The following CD101 variants were observed in gnomAD, a reference collection of about 807,000 sequenced individuals.
The protein encoded by CD101 is immunoglobulin superfamily member 2.
In CD101, 76 loss-of-function variants were observed where a neutral mutation model predicts 98.2. The ratio of observed to expected loss-of-function variants is 0.77; its 90% CI spans 0.64 to 0.94. The LOEUF is 0.94. Among genes scored for constraint, CD101 ranks in the 40% least tolerant of loss-of-function variants. The pLI is 0.00. For synonymous variants in CD101, 471 were observed against 472.7 expected (o/e 1.00, Z 0.05); for missense variants, 1,145 against 1,218.8 (o/e 0.94, Z 0.90).
Position 117,018,201 on chromosome 1 carries a change from T to C in CD101, c.1658T>C (p.Met553Thr). 1.2e-6 allele frequency: 2 copies of C among 1,611,204 alleles called. No individual in the cohort carries two copies. The highest frequency in any genetic ancestry group is 1.7e-6 in the Non-Finnish European group (2 of 1,178,054). Residue 553 changes from methionine (M) to threonine (T), a missense_variant, in exon 6 of 10, where the codon ATG (methionine) becomes ACG (threonine). Transcript: ENST00000682167. This position sits in a 1 kb window ranked among gnomAD's most constrained non-coding sequence, Gnocchi z 4.3. ...CTGATGAGCCGTCAGCCGCAAGTGATGTTAACCAACACCTTTGACCTGTCC... is the reference window on the plus strand; with the variant it reads ...CTGATGAGCCGTCAGCCGCAAGTGACGTTAACCAACACCTTTGACCTGTCC... ...VSLMSRQPQV[M>T]LTNTFDLSCV...
chr1:117,007,877 A>G (rs1034037933), intron 1 of CD101, among the ~76,000 whole-genome samples: 4 of 152,208 alleles, frequency 2.6e-5, no homozygotes, highest in African/African-American at 7.2e-5. Context: ...TTATGACTGT[A>G]CCACAGTTTA....
rs1652936478 is a variant in CD101 at position 117,012,244 on chromosome 1, A to G, written c.841+278A>G. 6.6e-6 allele frequency among the ~76,000 whole-genome samples: 1 copy of G among 152,192 alleles called. No individual in the cohort carries two copies. Among genetic ancestry groups the G allele is most frequent in the African/African-American group, 2.4e-5 (1 of 41,440 alleles). ...AAGTAGTTTTGTTACCATTTTTGCC[A>G]GTCTCTGTTCACACATTATCTACAT... On this transcript the variant is annotated intron_variant, in intron 3 of 9. Coordinates refer to ENST00000682167, the MANE Select transcript of CD101 (RefSeq NM_001256106.3). This position sits in a 1 kb window ranked among gnomAD's most constrained non-coding sequence, Gnocchi z 4.0.
chr1:117,002,085 T>C (rs1015831785), intron 1 of CD101, among the ~76,000 whole-genome samples: 5 of 152,198 alleles, frequency 3.3e-5, no homozygotes, highest in Non-Finnish European at 7.3e-5. Context: ...CAAGATTCCA[T>C]TGGTTTTAAC....
chr1:117,018,980 C>T lies in CD101; in HGVS notation c.2017+420C>T, dbSNP rs2101133226. On this transcript the variant is annotated intron_variant, in intron 6 of 9. Transcript: ENST00000682167. This position sits in a 1 kb window ranked among gnomAD's most constrained non-coding sequence, Gnocchi z 4.3. Reference sequence around the variant, plus strand: ...GCTAGTGGTAGGGATAAGGTAAATTCCACTGGAATACATCCACCTACTTCT... The same window carrying T: ...GCTAGTGGTAGGGATAAGGTAAATTTCACTGGAATACATCCACCTACTTCT... 1.3e-5 allele frequency among the ~76,000 whole-genome samples: 2 copies of T among 152,282 alleles called. No individual in the cohort carries two copies. Among genetic ancestry groups the T allele is most frequent in the South Asian group, 4.2e-4 (2 of 4,816 alleles).
rs986753810 is a variant in CD101 at position 117,006,968 on chromosome 1, A to G, written c.44-2882A>G. ...CACAATAAAAATTTTCAAACGTGGT[A>G]CCCATCTTGCTGAAAAGTGATGGGA... On this transcript the variant is annotated intron_variant, in intron 1 of 9. Coordinates refer to ENST00000682167, the MANE Select transcript of CD101 (RefSeq NM_001256106.3). The surrounding 1 kb of genome is among the most constrained non-coding windows in gnomAD (Gnocchi z 4.4). Among the ~76,000 whole-genome samples the G allele has an allele frequency of 6.6e-6, 1 of 152,168 alleles. No individual in the cohort carries two copies. Among genetic ancestry groups the G allele is most frequent in the African/African-American group, 2.4e-5 (1 of 41,438 alleles).
chr1:117,006,246 T>A lies in CD101; in HGVS notation c.44-3604T>A, dbSNP rs772713573. Among the ~76,000 whole-genome samples, 12 of 152,214 alleles carry A rather than the reference T, an allele frequency of 7.9e-5. No homozygotes were observed. Among genetic ancestry groups the A allele is most frequent in the Admixed American group, 1.3e-4 (2 of 15,270 alleles). On this transcript the variant is annotated intron_variant, in intron 1 of 9. Coordinates refer to ENST00000682167, the MANE Select transcript of CD101 (RefSeq NM_001256106.3). This position sits in a 1 kb window ranked among gnomAD's most constrained non-coding sequence, Gnocchi z 4.4. ...CGCACTGAAAACTACAGATTTTGTC[T>A]CCACAGTAGCTCAGTTATAGTACCT...
At chr1:117,011,241 C>G (rs1198845789) in intron 2 of CD101, among the ~76,000 whole-genome samples, 1 of 152,170 alleles carries the variant, frequency 6.6e-6, no homozygotes, top group African/African-American at 2.4e-5. Flanking sequence ...TTCTCTGTCC[C>G]AGTGCTTTCT....
intron 5 of CD101, among the ~76,000 whole-genome samples, chr1:117,017,779 T>C (rs1653328587): frequency 1.3e-5 from 2 of 152,176 alleles, no homozygotes; most frequent in Non-Finnish European, 2.9e-5. Flanking sequence ...GGCCCTGGGA[T>C]TGCAGAGCCC....
At chr1:117,008,884 T>C (rs537153687) in intron 1 of CD101, among the ~76,000 whole-genome samples, 1 of 152,338 alleles carries the variant, frequency 6.6e-6, no homozygotes, top group African/African-American at 2.4e-5. Context: ...TCCAACCCTG[T>C]CTTCCCTTTT....
intron 2 of CD101, 77 bp from the exon 3 acceptor site, chr1:117,011,473 A>G: frequency 8.2e-7 from 1 of 1,223,912 alleles, no homozygotes; most frequent in African/African-American, 1.5e-5. Context: ...TACATAGGGT[A>G]GCTCAGGGCG....
chr1:117,033,002 G>A lies in CD101; in HGVS notation c.2825-858G>A, dbSNP rs1272856886. The A allele has an allele frequency of 6.6e-6, 1 of 152,272 alleles. No individual in the cohort carries two copies. The highest frequency in any genetic ancestry group is 1.5e-5 in the Non-Finnish European group (1 of 68,056). The allele number at this position is 152,272 out of a possible 1,614,324, so 9.4% of individuals were successfully genotyped here. On this transcript the variant is annotated intron_variant, in intron 8 of 9. Coordinates refer to ENST00000682167, the MANE Select transcript of CD101 (RefSeq NM_001256106.3). The surrounding 1 kb of genome is among the most constrained non-coding windows in gnomAD (Gnocchi z 4.8). ...TTAATTCAGATCAGCAAAAGTTACTGAGCACATGTGCTAGGCACTGTAGGG... is the reference window on the plus strand; with the variant it reads ...TTAATTCAGATCAGCAAAAGTTACTAAGCACATGTGCTAGGCACTGTAGGG...
chr1:117,014,569 G>T (rs1386236106), intron 4 of CD101, among the ~76,000 whole-genome samples: 1 of 152,134 alleles, frequency 6.6e-6, no homozygotes, highest in Non-Finnish European at 1.5e-5. Flanking sequence ...AAACATGTTT[G>T]AATAATCAGT....
rs1557771644 is a variant in CD101 at position 117,018,208 on chromosome 1, CA to C, written c.1667del (p.Asn556ThrfsTer9). On this transcript the variant is annotated frameshift_variant, in exon 6 of 10. Coordinates refer to ENST00000682167, the MANE Select transcript of CD101 (RefSeq NM_001256106.3). LOFTEE classifies it high-confidence loss of function. This position sits in a 1 kb window ranked among gnomAD's most constrained non-coding sequence, Gnocchi z 4.3. The stretch of plus-strand genomic sequence containing the variant: ...GCCGTCAGCCGCAAGTGATGTTAAC[CA>C]ACACCTTTGACCTGTCCTGTGTCGT... ...MSRQPQVMLT[N>X]TFDLSCVVRA... is the part of the protein sequence containing the mutation. The C allele has an allele frequency of 6.2e-7, 1 of 1,612,384 alleles. No individual in the cohort carries two copies. Among genetic ancestry groups the C allele is most frequent in the African/African-American group, 1.3e-5 (1 of 74,990 alleles).
rs1481359912 is a variant in CD101, at chr1:117,018,821, C to T, written c.2017+261C>T. 6.6e-6 allele frequency among the ~76,000 whole-genome samples: 1 copy of T among 152,146 alleles called. No homozygotes were observed. The highest frequency in any genetic ancestry group is 2.1e-4 in the South Asian group (1 of 4,822). On this transcript the variant is annotated intron_variant, in intron 6 of 9. Transcript: ENST00000682167. The surrounding 1 kb of genome is among the most constrained non-coding windows in gnomAD (Gnocchi z 4.3). The stretch of plus-strand genomic sequence containing the variant: ...CCCATTCCCCATTTTCCCCTAAGTT[C>T]CCACCACCCAGCAACTAAAGGGTAC...
chr1:117,008,353 T>C (rs1277357687), intron 1 of CD101, among the ~76,000 whole-genome samples: 1 of 151,914 alleles, frequency 6.6e-6, no homozygotes, highest in Non-Finnish European at 1.5e-5. Flanking sequence ...TAATCCTAGC[T>C]ACTCAGGAGG....
rs139036499 is a variant in CD101 at position 117,002,153 on chromosome 1, C to T, written c.43+293C>T. Among the ~76,000 whole-genome samples, 1,514 of 152,284 alleles carry T rather than the reference C, an allele frequency of 9.9e-3. 25 individuals are homozygous for T. The highest frequency in any genetic ancestry group is 0.035 in the African/African-American group (1,437 of 41,548). On this transcript the variant is annotated intron_variant, in intron 1 of 9. Coordinates refer to ENST00000682167, the MANE Select transcript of CD101 (RefSeq NM_001256106.3). ...CTTGGCCCTGGCTTTACTCATCTTC[C>T]TGGGCCGATCATCCCAAGAGACAGT...
Position 117,021,813 on chromosome 1 carries a change from C to T in CD101, c.2258C>T (p.Thr753Ile). 1 of 1,614,172 alleles carries T rather than the reference C, an allele frequency of 6.2e-7. No homozygotes were observed. Among genetic ancestry groups the T allele is most frequent in the Non-Finnish European group, 8.5e-7 (1 of 1,180,032 alleles). Residue 753 changes from threonine (T) to isoleucine (I), a missense_variant, in exon 7 of 10, where the codon ACT becomes ATT. Transcript: ENST00000682167. This position sits in a 1 kb window ranked among gnomAD's most constrained non-coding sequence, Gnocchi z 4.7. The part of the protein sequence containing the change: ...HTPQRKQKFH[T>I]EKVSQDLFQL... ...CCACAGAGAAAACAAAAATTTCATA[C>T]TGAGAAGGTTTCCCAAGACTTATTT... is the stretch of plus-strand genomic sequence containing the variant.
chr1:117,013,553 A>G lies in CD101; in HGVS notation c.989A>G (p.Asp330Gly). ...AATGGGACTGAAATTGCTCACATTGATGCTGGTGGAGTCCTGGGCCTGAAG... is the reference window on the plus strand; with the variant it reads ...AATGGGACTGAAATTGCTCACATTGGTGCTGGTGGAGTCCTGGGCCTGAAG... ...FFNGTEIAHI[D>G]AGGVLGLKND... The change falls in exon 4 of 10, where the codon GAT (aspartate) becomes GGT (glycine). Residue 330 changes from aspartate to glycine, a missense_variant. Coordinates refer to ENST00000682167, the MANE Select transcript of CD101 (RefSeq NM_001256106.3). 6.2e-7 allele frequency: 1 copy of G among 1,614,166 alleles called. No individual in the cohort carries two copies. Among genetic ancestry groups the G allele is most frequent in the Non-Finnish European group, 8.5e-7 (1 of 1,180,024 alleles).
rs538021608 is a variant in CD101 at position 117,022,270 on chromosome 1, T to G, written c.2428+287T>G. 2.0e-5 allele frequency among the ~76,000 whole-genome samples: 3 copies of G among 152,294 alleles called. No homozygotes were observed. In the East Asian group the frequency reaches 5.8e-4, roughly 29 times the overall value. ...GTCTGTGCAGCTACCCAGGGTATCGTATCTCCAGATCTCTATCATAACAAG... is the reference window on the plus strand; with the variant it reads ...GTCTGTGCAGCTACCCAGGGTATCGGATCTCCAGATCTCTATCATAACAAG... On this transcript the variant is annotated intron_variant, in intron 7 of 9. Transcript: ENST00000682167. This position sits in a 1 kb window ranked among gnomAD's most constrained non-coding sequence, Gnocchi z 4.8.
Sources: gnomAD v4.1 joint callset for allele counts (sites outside exome capture counted in the v4.1 genomes callset) on GRCh38, gnomAD v4.1.1 for gene constraint, Gnocchi (gnomAD v3.1) non-coding constraint, MANE v1.5 for transcripts, NCBI Gene and HGNC (gene_info 2026-07-23, HGNC 2026-07-21) for gene names.